NF2: variants seen among roughly 807,000 people sequenced by gnomAD.
NF2 encodes NF2, moesin-ezrin-radixin like (MERLIN) tumor suppressor.
A neutral mutation model predicts 83.7 loss-of-function variants in NF2; 8 were observed. The observed-to-expected ratio is 0.10, with a 90% CI of 0.06 to 0.17. NF2 has a LOEUF of 0.17. Ranked by LOEUF, NF2 falls within the 10% of genes least tolerant of loss-of-function variation. The pLI, the probability that NF2 is intolerant of heterozygous loss-of-function variation, is 1.00. For missense variants in NF2, 533 were observed against 744.4 expected, an observed-to-expected ratio of 0.72 and a Z score of 3.31; for synonymous variants, 266 against 269.6, an observed-to-expected ratio of 0.99 and a Z score of 0.13.
intron 15 of NF2, among the ~76,000 whole-genome samples, chr22:29,682,466 C>T (rs1280594455): frequency 1.3e-5 from 2 of 152,172 alleles, no homozygotes; most frequent in Non-Finnish European, 2.9e-5. Context: ...TTTCTGCCTG[C>T]CTTCGTTGTT....
At chr22:29,684,598 T>C (rs2067227812) in intron 15 of NF2, among the ~76,000 whole-genome samples, 1 of 152,234 alleles carries the variant, frequency 6.6e-6, no homozygotes, top group Non-Finnish European at 1.5e-5. Flanking sequence ...TTTAGTTAAA[T>C]TTGCACTGCT....
chr22:29,673,248 TA>T lies in NF2; in HGVS notation c.1123-19del, dbSNP rs1395793896. 2.6e-6 allele frequency: 4 copies of T among 1,555,550 alleles called. No individual in the cohort carries two copies. The South Asian group carries it at 4.7e-5, about 18-fold the overall frequency. On this transcript the variant is annotated intron_variant, in intron 11 of 15. Transcript: ENST00000338641. ...GAACAGCACATGATCCCACTTCAGCTAAGAGCACTGTGCCCTCCAGATGCGG... is the reference window on the plus strand; with the variant it reads ...GAACAGCACATGATCCCACTTCAGCTAGAGCACTGTGCCCTCCAGATGCGG...
chr22:29,654,289 C>T (rs1019117251), intron 4 of NF2, among the ~76,000 whole-genome samples: 3 of 152,116 alleles, frequency 2.0e-5, no homozygotes, highest in African/African-American at 4.8e-5. Context: ...AGGTAAGACT[C>T]TTATCATATG....
chr22:29,655,474 G>T (rs1056889864), intron 5 of NF2, 120 bp from the exon 6 acceptor site: 5 of 769,722 alleles, frequency 6.5e-6, no homozygotes, highest in African/African-American at 3.4e-5. Context: ...ATCTCCCTGG[G>T]TGTAGCTTTT....
chr22:29,651,787 G>A (rs772729963), intron 4 of NF2, among the ~76,000 whole-genome samples: 1 of 152,182 alleles, frequency 6.6e-6, no homozygotes, highest in Non-Finnish European at 1.5e-5. Flanking sequence ...AATAATGGGG[G>A]TTGTTAATCT....
At chr22:29,667,593 C>T (rs1348219577) in intron 9 of NF2, among the ~76,000 whole-genome samples, 2 of 151,884 alleles carry the variant, frequency 1.3e-5, no homozygotes, top group African/African-American at 2.4e-5. Flanking sequence ...CACTATGTCA[C>T]CCAGGCTGGT....
intron 14 of NF2, among the ~76,000 whole-genome samples, chr22:29,679,029 T>C (rs2067050739): frequency 6.6e-6 from 1 of 152,236 alleles, no homozygotes; most frequent in South Asian, 2.1e-4. Flanking sequence ...CTACCATGCA[T>C]TGAGTGCCTG....
Position 29,655,533 on chromosome 22 carries a change from G to C in NF2, c.517-61G>C, listed in dbSNP as rs568134420. On this transcript the variant is annotated intron_variant, in intron 5 of 15. Coordinates refer to ENST00000338641, the MANE Select transcript of NF2 (RefSeq NM_000268.4). ...AAAAATGATGCATAATTATAAAAGT[G>C]GCAAACAATACCAAATTTACTTCAT... is the stretch of plus-strand genomic sequence containing the variant. 1,376 of 1,218,278 alleles carry C rather than the reference G, an allele frequency of 1.1e-3. 5 individuals carry two copies. The highest frequency in any genetic ancestry group is 7.3e-4 in the Non-Finnish European group (596 of 820,502). 75.5% of individuals were successfully genotyped at this position (1,218,278 alleles called of 1,614,324 possible). A position where few individuals can be genotyped will look rare whatever the true frequency, so the allele number is the denominator to read the frequency against.
Position 29,694,994 on chromosome 22 carries a change from T to C in NF2, c.*192T>C, listed in dbSNP as rs1343170813. 1 of 652,382 alleles carries C rather than the reference T, an allele frequency of 1.5e-6. No homozygotes were observed. The highest frequency in any genetic ancestry group is 2.8e-6 in the Non-Finnish European group (1 of 362,784). 40.4% of individuals were successfully genotyped at this position (652,382 alleles called of 1,614,324 possible). A position where few individuals can be genotyped will look rare whatever the true frequency, so the allele number is the denominator to read the frequency against. On this transcript the variant is annotated 3_prime_UTR_variant, in exon 16 of 16. Transcript: ENST00000338641. The surrounding 1 kb of genome is among the most constrained non-coding windows in gnomAD (Gnocchi z 4.1). ...GCCTTGAACTACGACCCTGTAGAGA[T>C]TTCTCTCATGGCGTTCTAGTTCTCT... is the stretch of plus-strand genomic sequence containing the variant.
intron 8 of NF2, among the ~76,000 whole-genome samples, chr22:29,664,406 C>G (rs2066560325): frequency 6.9e-6 from 1 of 144,814 alleles, no homozygotes; most frequent in East Asian, 2.0e-4. Context: ...CACACACACA[C>G]AGCTCATTTC....
chr22:29,619,801 C>T (rs919146279), intron 1 of NF2, among the ~76,000 whole-genome samples: 31 of 152,182 alleles, frequency 2.0e-4, no homozygotes, highest in African/African-American at 6.7e-4. Context: ...TGAAGGGGTG[C>T]GAAGAAACAG....
chr22:29,633,648 C>T (rs1443390570), intron 1 of NF2, among the ~76,000 whole-genome samples: 6 of 152,212 alleles, frequency 3.9e-5, no homozygotes, highest in Non-Finnish European at 8.8e-5. Context: ...GTTGAGCCAC[C>T]TGGTCCCAAA....
chr22:29,634,402 T>C (rs1043053245), intron 1 of NF2, among the ~76,000 whole-genome samples: 1 of 152,222 alleles, frequency 6.6e-6, no homozygotes, highest in Non-Finnish European at 1.5e-5. Flanking sequence ...AAAAACAAAG[T>C]AGAAGGGAAT....
chr22:29,644,334 A>G (rs1319677854), intron 4 of NF2, among the ~76,000 whole-genome samples: 1 of 149,638 alleles, frequency 6.7e-6, no homozygotes, highest in Non-Finnish European at 1.5e-5. Flanking sequence ...GCGGCCGGGC[A>G]GAGACGCTCC....
chr22:29,682,977 A>G, intron 15 of NF2: 5 of 1,610,678 alleles, frequency 3.1e-6, no homozygotes, highest in Non-Finnish European at 4.2e-6. Context: ...TTGATATCAC[A>G]GGGTATGTTT....
chr22:29,604,633 A>T (rs1490183790), intron 1 of NF2, among the ~76,000 whole-genome samples: 4 of 152,206 alleles, frequency 2.6e-5, no homozygotes, highest in Non-Finnish European at 5.9e-5. Flanking sequence ...AGACATTTGC[A>T]CATTTAATCC....
rs140683337 is a variant in NF2 at position 29,616,510 on chromosome 22, C to T, written c.114+12398C>T. On this transcript the variant is annotated intron_variant, in intron 1 of 15. Transcript: ENST00000338641. ...ATGTAATCCCAGCACTTCGGGAGGC[C>T]GAGGTGGACGGATGACGAGGTCAGG... Among the ~76,000 whole-genome samples the T allele has an allele frequency of 1.3e-3, 201 of 152,174 alleles. 1 individual carries two copies. The highest frequency in any genetic ancestry group is 4.5e-3 in the African/African-American group (189 of 41,546).
At chr22:29,648,735 GC>G (rs1286505480) in intron 4 of NF2, among the ~76,000 whole-genome samples, 1 of 152,188 alleles carries the variant, frequency 6.6e-6, no homozygotes, top group African/African-American at 2.4e-5. Context: ...TCCCACCTCA[GC>G]CTCAGCGTAT....
intron 9 of NF2, among the ~76,000 whole-genome samples, chr22:29,667,965 T>G (rs2066672962): frequency 6.6e-6 from 1 of 152,180 alleles, no homozygotes; most frequent in Non-Finnish European, 1.5e-5. Context: ...ACTTATTTTT[T>G]TCCACATGCA....
Sources: gnomAD v4.1 joint callset for allele counts (sites outside exome capture counted in the v4.1 genomes callset) on GRCh38, gnomAD v4.1.1 for gene constraint, Gnocchi (gnomAD v3.1) non-coding constraint, MANE v1.5 for transcripts, NCBI Gene and HGNC (gene_info 2026-07-23, HGNC 2026-07-21) for gene names.